The following IRAK1 variants were observed in gnomAD, a reference collection of about 807,000 sequenced individuals.
IRAK1 encodes interleukin-1 receptor-associated kinase 1.
A neutral mutation model predicts 49.8 loss-of-function variants in IRAK1; 9 were observed. The observed-to-expected ratio is 0.18, with a 90% CI of 0.11 to 0.32. The LOEUF (loss-of-function observed/expected upper bound fraction) is 0.32, where lower values mean the gene tolerates loss of function less well. IRAK1 is among the 10% of genes least tolerant of loss of function. The pLI is 1.00. For missense variants in IRAK1, 418 were observed against 600.5 expected (o/e 0.70, Z 3.18); for synonymous variants, 282 against 270.8 (o/e 1.04, Z -0.41).
intron 10 of IRAK1, among the ~76,000 whole-genome samples, chrX:154,015,312 C>T (rs935377645): frequency 3.6e-5 from 4 of 112,038 alleles, no homozygotes; most frequent in African/African-American, 1.3e-4. Flanking sequence ...TGCGCTTCTT[C>T]AGCAGGATGC....
At chrX:154,016,292 G>C in intron 9 of IRAK1, 145 bp downstream of exon 9, 1 of 598,015 alleles carries the variant, frequency 1.7e-6, no homozygotes, top group East Asian at 3.5e-5. Context: ...TGAGGAGGAG[G>C]GCCTCGGAGG....
Position 154,016,656 on chromosome X carries a change from A to G in IRAK1, c.1029-12T>C. On this transcript the variant is annotated splice_polypyrimidine_tract_variant and intron_variant, in intron 8 of 13. Coordinates refer to ENST00000369980, the MANE Select transcript of IRAK1 (RefSeq NM_001569.4). ...GAAGGACGTTGGAACTTGGGGAGAG[A>G]AGACAGTGGCGTCAGCCCGGTCCTA... The G allele has an allele frequency of 5.1e-6, 6 of 1,185,399 alleles. No individual in the cohort carries two copies. The highest frequency in any genetic ancestry group is 6.9e-6 in the Non-Finnish European group (6 of 871,894).
chrX:154,010,984 C>T lies in IRAK1; in HGVS notation c.*875G>A. On this transcript the variant is annotated 3_prime_UTR_variant, in exon 14 of 14. Transcript: ENST00000369980. ...CCCAGTAAAGCCTGAAGACACTGGC[C>T]CGAGGTTGGAGGTGGGTGCTGCTCG... 5.8e-6 allele frequency: 2 copies of T among 342,673 alleles called. No individual in the cohort carries two copies. The highest frequency in any genetic ancestry group is 5.2e-5 in the South Asian group (2 of 38,595). The allele number at this position is 342,673 out of a possible 1,213,427, so 28.2% of individuals were successfully genotyped here. A position where few individuals can be genotyped will look rare whatever the true frequency, so the allele number is the denominator to read the frequency against.
Position 154,019,015 on chromosome X carries a change from A to G in IRAK1, c.500T>C (p.Leu167Pro). Residue 167 changes from leucine (L) to proline (P), a missense_variant, in exon 4 of 14, where the codon CTG becomes CCG. This residue lies in a region of IRAK1 where 377 missense variants were observed against 499.5 expected (regional missense o/e 0.75). Coordinates refer to ENST00000369980, the MANE Select transcript of IRAK1 (RefSeq NM_001569.4). ...ELGLVPSPAS[L>P]WPPPPSPAPS... ...GGCTGGAGATGGCGGTGGAGGCCAC[A>G]GGGAAGCAGGGCTTGGGACCAGGCC... 4.1e-6 allele frequency: 5 copies of G among 1,207,835 alleles called. No homozygotes were observed. Among genetic ancestry groups the G allele is most frequent in the Non-Finnish European group, 5.6e-6 (5 of 893,617 alleles).
In IRAK1 at chrX:154,011,787, C is replaced by T. The variant is rs782674809; in HGVS notation, c.*72G>A. The T allele has an allele frequency of 2.0e-5, 21 of 1,035,152 alleles. No individual in the cohort carries two copies. The South Asian group carries it at 2.1e-4, about 10-fold the overall frequency. 85.3% of individuals were successfully genotyped at this position (1,035,152 alleles called of 1,213,427 possible). A position where few individuals can be genotyped will look rare whatever the true frequency, so the allele number is the denominator to read the frequency against. ...CACTGCCGGCAGAGTGCTGAGGACTCGTGCACCATGAGAACTTCTGACCAT... is the reference window on the plus strand; with the variant it reads ...CACTGCCGGCAGAGTGCTGAGGACTTGTGCACCATGAGAACTTCTGACCAT... On this transcript the variant is annotated 3_prime_UTR_variant, in exon 14 of 14. Coordinates refer to ENST00000369980, the MANE Select transcript of IRAK1 (RefSeq NM_001569.4).
At chrX:154,018,541 G>A (rs1359186962) in intron 5 of IRAK1, 58 bp downstream of exon 5, 1 of 997,753 alleles carries the variant, frequency 1.0e-6, no homozygotes, top group Non-Finnish European at 1.4e-6. Context: ...AAAGGCTGGA[G>A]AAGTGGTGAG....
chrX:154,018,954 TG>T lies in IRAK1; in HGVS notation c.540+20del. On this transcript the variant is annotated intron_variant, in intron 4 of 13. Transcript: ENST00000369980. ...CTTCCTCCTTGTCTCGAATCTTCCC[TG>T]GGGGGCAGGGGACACCTACCTTGGT... 8.8e-7 allele frequency: 1 copy of T among 1,132,523 alleles called. No individual in the cohort carries two copies. The highest frequency in any genetic ancestry group is 1.2e-6 in the Non-Finnish European group (1 of 837,578). The allele number at this position is 1,132,523 out of a possible 1,213,427, so 93.3% of individuals were successfully genotyped here. A position where few individuals can be genotyped will look rare whatever the true frequency, so the allele number is the denominator to read the frequency against.
chrX:154,019,662 C>A lies in IRAK1; in HGVS notation c.136+15G>T. The A allele has an allele frequency of 1.0e-6, 1 of 962,084 alleles. No homozygotes were observed. Among genetic ancestry groups the A allele is most frequent in the Non-Finnish European group, 1.3e-6 (1 of 771,580 alleles). The allele number at this position is 962,084 out of a possible 1,213,427, so 79.3% of individuals were successfully genotyped here. A position where few individuals can be genotyped will look rare whatever the true frequency, so the allele number is the denominator to read the frequency against. On this transcript the variant is annotated intron_variant, in intron 1 of 13. Transcript: ENST00000369980. ...CCGCGCGCCTCCCGCCCCCCGGCAG[C>A]CCGCCGCCACCCACCGAACTGGCAC...
chrX:154,016,980 T>G lies in IRAK1; in HGVS notation c.997A>C (p.Ser333Arg), dbSNP rs1557129453. The change falls in exon 8 of 14, where the codon AGC becomes CGC. Residue 333 changes from serine (S) to arginine (R), a missense_variant. Physicochemically the swap from Ser to Arg is moderately radical, Grantham distance 110 (BLOSUM62 -1). This residue lies in a region of IRAK1 where 377 missense variants were observed against 499.5 expected (regional missense o/e 0.75). Coordinates refer to ENST00000369980, the MANE Select transcript of IRAK1 (RefSeq NM_001569.4). ...ARAIQFLHQD[S>R]PSLIHGDIKS... ...ATGTCTCCATGGATGAGGCTGGGGC[T>G]GTCCTGATGTAGAAACTGAATTGCC... 2.2e-5 allele frequency: 26 copies of G among 1,206,563 alleles called. No homozygotes were observed. Among genetic ancestry groups the G allele is most frequent in the Non-Finnish European group, 2.9e-5 (26 of 890,384 alleles).
chrX:154,017,857 G>A (rs917593296), intron 7 of IRAK1, 149 bp downstream of exon 7: 5 of 439,085 alleles, frequency 1.1e-5, no homozygotes, highest in Admixed American at 7.8e-5. Context: ...ATCCTGAGCC[G>A]GGTGCTGCTG....
chrX:154,013,911 C>A, intron 11 of IRAK1, 131 bp downstream of exon 11: 1 of 953,509 alleles, frequency 1.0e-6, no homozygotes, highest in Non-Finnish European at 1.4e-6. Flanking sequence ...CAAACAGAAC[C>A]AAAGGGCAAG....
In IRAK1 at chrX:154,011,889, C is replaced by T. The variant is rs1452696311; in HGVS notation, c.2109G>A (p.Gly703=). ...TCTGAAATTCATCACTTTCTTCGGG[C>T]CCCTGCCTGTCCTGTTCCAGGCCCA... is the stretch of plus-strand genomic sequence containing the variant. The part of the protein sequence containing the change: ...PGLGLEQDRQ[G]PEESDEFQS The change falls in exon 14 of 14, where the codon GGG becomes GGA. Residue 703 remains glycine (G), a synonymous_variant. Coordinates refer to ENST00000369980, the MANE Select transcript of IRAK1 (RefSeq NM_001569.4). The T allele has an allele frequency of 8.3e-7, 1 of 1,210,138 alleles. No individual in the cohort carries two copies. Among genetic ancestry groups the T allele is most frequent in the Non-Finnish European group, 1.1e-6 (1 of 894,908 alleles).
rs782656443 is a variant in IRAK1 at position 154,019,519 on chromosome X, G to C, written c.216C>G (p.Pro72=). ...SGQRTASVLW[P]WINRNARVAD... ...CCACACGGGCGTTGCGGTTGATCCA[G>C]GGCCACAGGACGCTGGCCGTGCGCT... Residue 72 remains proline (P), a synonymous_variant, in exon 2 of 14, where the codon CCC becomes CCG. Coordinates refer to ENST00000369980, the MANE Select transcript of IRAK1 (RefSeq NM_001569.4). 1.7e-6 allele frequency: 2 copies of C among 1,185,050 alleles called. No individual in the cohort carries two copies. Among genetic ancestry groups the C allele is most frequent in the South Asian group, 1.8e-5 (1 of 55,349 alleles).
intron 11 of IRAK1, 54 bp downstream of exon 11, chrX:154,013,988 C>G: frequency 8.5e-7 from 1 of 1,173,391 alleles, no homozygotes; most frequent in African/African-American, 1.8e-5. Flanking sequence ...CAGAGCAAGG[C>G]CTGGAATGCG....
Position 154,011,849 on chromosome X carries a change from G to C in IRAK1, c.*10C>G. 8.3e-7 allele frequency: 1 copy of C among 1,208,139 alleles called. No individual in the cohort carries two copies. The highest frequency in any genetic ancestry group is 1.7e-5 in the African/African-American group (1 of 57,930). ...CTTCCGGATTTGGGGGATCTGCCCA[G>C]GTGAACACATCAGCTCTGAAATTCA... On this transcript the variant is annotated 3_prime_UTR_variant, in exon 14 of 14. Coordinates refer to ENST00000369980, the MANE Select transcript of IRAK1 (RefSeq NM_001569.4).
intron 9 of IRAK1, 58 bp downstream of exon 9, chrX:154,016,379 A>C (rs2065738866): frequency 9.1e-7 from 1 of 1,095,277 alleles, no homozygotes. Context: ...TGCAGCCCCC[A>C]CCTCTGCCTG....
rs377582537 is a variant in IRAK1, at chrX:154,012,636, G to A, written c.1973C>T (p.Pro658Leu). The change falls in exon 13 of 14, where the codon CCG becomes CTG. Residue 658 changes from proline to leucine, a missense_variant. By Grantham distance (98) the Pro-to-Leu change is moderately conservative (BLOSUM62 -3). Transcript: ENST00000369980. ...GSSASSSSEP[P>L]QIIINPARQK... ...TCGGGCAGGGTTGATGATAATCTGCGGTGGCTCTGACGACGATGATGCAGA... is the reference window on the plus strand; with the variant it reads ...TCGGGCAGGGTTGATGATAATCTGCAGTGGCTCTGACGACGATGATGCAGA... 2.2e-5 allele frequency: 27 copies of A among 1,210,318 alleles called. No homozygotes were observed. The East Asian group carries it at 3.3e-4, about 15-fold the overall frequency.
chrX:154,013,557 C>T, intron 11 of IRAK1, 124 bp from the exon 12 acceptor site: 3 of 657,397 alleles, frequency 4.6e-6, no homozygotes, highest in Non-Finnish European at 6.7e-6. Context: ...ATGACATACC[C>T]TGCAGCTGGG....
chrX:154,018,905 T>C, intron 4 of IRAK1, 70 bp downstream of exon 4: 1 of 966,460 alleles, frequency 1.0e-6, no homozygotes, highest in South Asian at 2.3e-5. Context: ...ACTGGGGCTC[T>C]GCGCTACATC....
Sources: gnomAD v4.1 joint callset for allele counts (sites outside exome capture counted in the v4.1 genomes callset) on GRCh38, gnomAD v4.1.1 for gene constraint, gnomAD v4.1.1 regional missense constraint, MANE v1.5 for transcripts, NCBI Gene and HGNC (gene_info 2026-07-23, HGNC 2026-07-21) for gene names.